BRAF: variants seen among roughly 807,000 people sequenced by gnomAD.
BRAF encodes the protein serine/threonine-protein kinase B-raf.
BRAF carries 16 observed loss-of-function variants against 104.6 expected under a neutral mutation model. The ratio of observed to expected loss-of-function variants is 0.15; its 90% CI spans 0.10 to 0.23. BRAF has a LOEUF of 0.23. BRAF is among the 10% of genes least tolerant of loss of function. BRAF has a pLI of 1.00. For missense variants in BRAF, 541 were observed against 937.3 expected (o/e 0.58, Z 5.52); for synonymous variants, 310 against 341.6 (o/e 0.91, Z 1.02).
At chr7:140,772,617 G>A (rs1799964255) in intron 14 of BRAF, among the ~76,000 whole-genome samples, 2 of 152,048 alleles carry the variant, frequency 1.3e-5, no homozygotes, top group Admixed American at 6.6e-5. Flanking sequence ...AGAGGAGTGA[G>A]ACTCTGTCTC....
At chr7:140,843,784 T>A (rs1332188606) in intron 2 of BRAF, among the ~76,000 whole-genome samples, 1 of 152,066 alleles carries the variant, frequency 6.6e-6, no homozygotes, top group Admixed American at 6.5e-5. Flanking sequence ...GGCGGGCGGA[T>A]CACGAGGTCA....
At chr7:140,855,634 T>TTA (rs950428073) in intron 1 of BRAF, among the ~76,000 whole-genome samples, 4 of 151,652 alleles carry the variant, frequency 2.6e-5, no homozygotes, top group East Asian at 3.9e-4. Context: ...ACAGGTGATT[T>TTA]TATATATATA....
In BRAF at chr7:140,924,751, G is replaced by GGGGAAGGGAGGCGGAGA; in HGVS notation, c.-65_-49dup. On this transcript the variant is annotated 5_prime_UTR_variant, in exon 1 of 20. Transcript: ENST00000644969. The surrounding 1 kb of genome is among the most constrained non-coding windows in gnomAD (Gnocchi z 4.2). ...CGAGCGGCCGCTGTCGGGCGGGGAG[G>GGGGAAGGGAGGCGGAGA]GGGAAGGGAGGCGGAGAGCTGGGGG... 1 of 695,270 alleles carries GGGGAAGGGAGGCGGAGA rather than the reference G, an allele frequency of 1.4e-6. No individual in the cohort carries two copies. Among genetic ancestry groups the GGGGAAGGGAGGCGGAGA allele is most frequent in the Admixed American group, 2.4e-5 (1 of 41,324 alleles). The allele number at this position is 695,270 out of a possible 1,614,324, so 43.1% of individuals were successfully genotyped here.
At chr7:140,807,935 CAAA>C (rs762300585) in intron 5 of BRAF, 22 bp downstream of exon 5, 9 of 1,520,370 alleles carry the variant, frequency 5.9e-6, no homozygotes, top group Non-Finnish European at 8.1e-6. Flanking sequence ...TTTGACATTT[CAAA>C]AAAAAATGTA....
rs372915332 is a variant in BRAF at position 140,794,456 on chromosome 7, A to G, written c.992T>C (p.Leu331Pro). Residue 331 changes from leucine (L) to proline (P), a missense_variant, in exon 8 of 20, where the codon CTC becomes CCC. Around this residue, in one of 10 missense-constraint regions of BRAF, gnomAD observed 79 missense variants for 74.6 expected, o/e 1.06. Coordinates refer to ENST00000644969, the MANE Select transcript of BRAF (RefSeq NM_001374258.1). ...PASDSIGPQI[L>P]TSPSPSKSIP... ...GGATTTTGAAGGAGACGGACTGGTG[A>G]GAATTTGGGGCCTGGAAAAATGAAG... 1 of 1,613,936 alleles carries G rather than the reference A, an allele frequency of 6.2e-7. No individual in the cohort carries two copies. Among genetic ancestry groups the G allele is most frequent in the African/African-American group, 1.3e-5 (1 of 74,886 alleles).
chr7:140,719,241 T>G (rs529180596), downstream of BRAF: 3 of 490,270 alleles, frequency 6.1e-6, no homozygotes, highest in East Asian at 3.3e-4. Flanking sequence ...TGTACATTTC[T>G]CAGTCTCTCC....
In BRAF at chr7:140,722,269, T is replaced by C. The variant is rs1202459206; in HGVS notation, c.*4225A>G. 1 of 1,056,254 alleles carries C rather than the reference T, an allele frequency of 9.5e-7. No individual in the cohort carries two copies. The highest frequency in any genetic ancestry group is 1.1e-6 in the Non-Finnish European group (1 of 873,732). The allele number at this position is 1,056,254 out of a possible 1,614,324, so 65.4% of individuals were successfully genotyped here. A position where few individuals can be genotyped will look rare whatever the true frequency, so the allele number is the denominator to read the frequency against. On this transcript the variant is annotated 3_prime_UTR_variant, in exon 20 of 20. Coordinates refer to ENST00000644969, the MANE Select transcript of BRAF (RefSeq NM_001374258.1). The stretch of plus-strand genomic sequence containing the variant: ...AATTTACCTGTGTGTTTTCTCATTG[T>C]TAAATGTGATTTTGGCTATAAACTC...
intron 3 of BRAF, among the ~76,000 whole-genome samples, chr7:140,829,508 T>C (rs1806476939): frequency 6.6e-6 from 1 of 152,152 alleles, no homozygotes. Context: ...CATATTACAT[T>C]TTCTGAAATT....
At position 140,723,615 on chromosome 7, in the gene BRAF, C is replaced by G. The variant is rs1795431282; in HGVS notation, c.*2879G>C. On this transcript the variant is annotated 3_prime_UTR_variant, in exon 20 of 20. Coordinates refer to ENST00000644969, the MANE Select transcript of BRAF (RefSeq NM_001374258.1). ...GTGGCAAAAGTCTAGGTCCTTGACTCTAACGATGAAAAAAGTCCATCAGGA... is the reference window on the plus strand; with the variant it reads ...GTGGCAAAAGTCTAGGTCCTTGACTGTAACGATGAAAAAAGTCCATCAGGA... 1 of 1,049,650 alleles carries G rather than the reference C, an allele frequency of 9.5e-7. No homozygotes were observed. The highest frequency in any genetic ancestry group is 1.2e-6 in the Non-Finnish European group (1 of 869,492). The allele number at this position is 1,049,650 out of a possible 1,614,324, so 65.0% of individuals were successfully genotyped here.
rs1200645704 is a variant in BRAF at position 140,924,629 on chromosome 7, G to A, written c.75C>T (p.Pro25=). ...CGGCGCCGGCGCCGGCGCCGGCCTC[G>A]GGCTCCATGTCCCCGTTGAACAGAG... is the stretch of plus-strand genomic sequence containing the variant. ...GQALFNGDME[P]EAGAGAGAAA... is the part of the protein sequence containing the mutation. The change falls in exon 1 of 20, where the codon CCC becomes CCT. Residue 25 remains proline, a synonymous_variant. Coordinates refer to ENST00000644969, the MANE Select transcript of BRAF (RefSeq NM_001374258.1). This position sits in a 1 kb window ranked among gnomAD's most constrained non-coding sequence, Gnocchi z 4.2. 7.9e-6 allele frequency: 12 copies of A among 1,514,502 alleles called. No homozygotes were observed. Among genetic ancestry groups the A allele is most frequent in the East Asian group, 2.5e-5 (1 of 40,374 alleles). 93.8% of individuals were successfully genotyped at this position (1,514,502 alleles called of 1,614,324 possible).
chr7:140,750,957 A>C (rs1289119900), intron 16 of BRAF, among the ~76,000 whole-genome samples: 1 of 152,220 alleles, frequency 6.6e-6, no homozygotes, highest in Non-Finnish European at 1.5e-5. Flanking sequence ...AATAAAACAA[A>C]GTTGAGAAGA....
Position 140,725,326 on chromosome 7 carries a change from C to T in BRAF, c.*1168G>A. On this transcript the variant is annotated 3_prime_UTR_variant, in exon 20 of 20. Transcript: ENST00000644969. ...AAATATTTGTCATTATGCTAAGACT[C>T]CTCATATTTAGGTAGAGAAAAGGAT... is the stretch of plus-strand genomic sequence containing the variant. The T allele has an allele frequency of 9.8e-7, 1 of 1,015,230 alleles. No homozygotes were observed. The highest frequency in any genetic ancestry group is 1.2e-6 in the Non-Finnish European group (1 of 839,786). 62.9% of individuals were successfully genotyped at this position (1,015,230 alleles called of 1,614,324 possible). A position where few individuals can be genotyped will look rare whatever the true frequency, so the allele number is the denominator to read the frequency against.
At chr7:140,810,442 C>T (rs916203083) in intron 3 of BRAF, among the ~76,000 whole-genome samples, 4 of 152,012 alleles carry the variant, frequency 2.6e-5, no homozygotes, top group Non-Finnish European at 5.9e-5. Context: ...GAGCGGCGGG[C>T]GCCTATAATC....
chr7:140,812,639 AG>A (rs1804405133), intron 3 of BRAF, among the ~76,000 whole-genome samples: 1 of 152,176 alleles, frequency 6.6e-6, no homozygotes, highest in Non-Finnish European at 1.5e-5. Flanking sequence ...CCACTTTTGT[AG>A]GCTGAATTTT....
chr7:140,887,067 G>C (rs2129110532), intron 1 of BRAF, among the ~76,000 whole-genome samples: 2 of 152,342 alleles, frequency 1.3e-5, no homozygotes, highest in Middle Eastern at 6.8e-3. Context: ...CTGTAAGGTA[G>C]CAAGGAGGAA....
At chr7:140,793,215 G>A (rs934007519) in intron 8 of BRAF, among the ~76,000 whole-genome samples, 1 of 152,152 alleles carries the variant, frequency 6.6e-6, no homozygotes, top group Admixed American at 6.5e-5. Context: ...TAGTCTAAAA[G>A]GATGATAGTT....
Position 140,858,726 on chromosome 7 carries a change from TAAATG to T in BRAF, c.139-8519_139-8515del, listed in dbSNP as rs369563280. Among the ~76,000 whole-genome samples, 1,146 of 152,304 alleles carry T rather than the reference TAAATG, an allele frequency of 7.5e-3. 18 individuals are homozygous for T. Among genetic ancestry groups the T allele is most frequent in the African/African-American group, 0.026 (1,093 of 41,564 alleles). On this transcript the variant is annotated intron_variant, in intron 1 of 19. Coordinates refer to ENST00000644969, the MANE Select transcript of BRAF (RefSeq NM_001374258.1). Reference sequence around the variant, plus strand: ...ACCTTCCTACATATGATATTTTGGTTAAATGAAATAATTTCCTTTTTCTTAGGAGA... The same window carrying T: ...ACCTTCCTACATATGATATTTTGGTTAAATAATTTCCTTTTTCTTAGGAGA...
intron 1 of BRAF, among the ~76,000 whole-genome samples, chr7:140,873,342 G>C (rs1811834592): frequency 6.6e-6 from 1 of 151,930 alleles, no homozygotes; most frequent in Non-Finnish European, 1.5e-5. Flanking sequence ...AGCTATTTTT[G>C]TATCTTTAGT....
rs1795542425 is a variant in BRAF, at chr7:140,725,368, A to G, written c.*1126T>C. 3 of 979,470 alleles carry G rather than the reference A, an allele frequency of 3.1e-6. No homozygotes were observed. Among genetic ancestry groups the G allele is most frequent in the African/African-American group, 1.7e-5 (1 of 58,418 alleles). The allele number at this position is 979,470 out of a possible 1,614,324, so 60.7% of individuals were successfully genotyped here. On this transcript the variant is annotated 3_prime_UTR_variant, in exon 20 of 20. Coordinates refer to ENST00000644969, the MANE Select transcript of BRAF (RefSeq NM_001374258.1). ...GAAAAGGATAATGATCTTTCTTAAAAGTTGTTTATATAACAAAAATACAAT... is the reference window on the plus strand; with the variant it reads ...GAAAAGGATAATGATCTTTCTTAAAGGTTGTTTATATAACAAAAATACAAT...
Sources: allele counts gnomAD v4.1 joint callset (sites outside exome capture counted in the v4.1 genomes callset), GRCh38; gene constraint gnomAD v4.1.1; regional missense constraint gnomAD v4.1.1; non-coding constraint Gnocchi (gnomAD v3.1); transcripts MANE v1.5; gene names NCBI Gene and HGNC (gene_info 2026-07-23, HGNC 2026-07-21).